Variants in FBXO2 observed in about 807,000 individuals in gnomAD.
FBXO2 encodes F-box only protein 2.
Under a neutral mutation model 38.6 loss-of-function variants are expected in FBXO2, and 32 were observed. The ratio of observed to expected loss-of-function variants is 0.83; its 90% CI spans 0.62 to 1.11. The LOEUF is 1.11. FBXO2 is among the 50% of genes most tolerant of loss of function. FBXO2 has a pLI of 0.00. For missense variants in FBXO2, 450 were observed against 418.3 expected (o/e 1.08, Z -0.66); for synonymous variants, 189 against 182.9 (o/e 1.03, Z -0.27).
In FBXO2 at chr1:11,648,757, G is replaced by A. The variant is rs562234561; in HGVS notation, c.828C>T (p.Ser276=). The A allele has an allele frequency of 1.2e-5, 20 of 1,613,514 alleles. No individual in the cohort carries two copies. In the East Asian group the frequency reaches 3.8e-4, roughly 31 times the overall value. The change falls in exon 6 of 6, where the codon TCC becomes TCT. Residue 276 remains serine (S), a synonymous_variant. Coordinates refer to ENST00000354287, the MANE Select transcript of FBXO2 (RefSeq NM_012168.6). This position sits in a 1 kb window ranked among gnomAD's most constrained non-coding sequence, Gnocchi z 4.2. ...CCCCGAACCAGCCCTTCCAGTAGAC[G>A]GAGTCCTGCCCCCCGTGCTCGAAGC... ...FVRFEHGGQD[S]VYWKGWFGAR... is the part of the protein sequence containing the mutation.
Position 11,650,496 on chromosome 1 carries a change from G to A in FBXO2, c.361C>T (p.Arg121Cys), listed in dbSNP as rs11545590. 2.2e-5 allele frequency: 36 copies of A among 1,608,372 alleles called. No homozygotes were observed. Among genetic ancestry groups the A allele is most frequent in the African/African-American group, 4.0e-5 (3 of 74,904 alleles). Residue 121 changes from arginine to cysteine, a missense_variant, in exon 2 of 6, where the codon CGC (arginine) becomes TGC (cysteine). By Grantham distance (180) the Arg-to-Cys change is radical. Coordinates refer to ENST00000354287, the MANE Select transcript of FBXO2 (RefSeq NM_012168.6). ...QQFYFLSKRR[R>C]NLLRNPCGEE... ...CCACACGGGTTACGCAGAAGGTTGC[G>A]GCGCCGCTTGCTCAGGAAGTAGAAC...
Position 11,650,697 on chromosome 1 carries a change from G to A in FBXO2, c.160C>T (p.Leu54=). The part of the protein sequence containing the change: ...AAYLDELPEP[L]LLRVLAALPA... Reference sequence around the variant, plus strand: ...AGTGCGGCCAGCACGCGCAGCAGCAGCGGCTCGGGCAGCTCGTCCAGGTAC... The same window carrying A: ...AGTGCGGCCAGCACGCGCAGCAGCAACGGCTCGGGCAGCTCGTCCAGGTAC... The change falls in exon 2 of 6, where the codon CTG becomes TTG. Residue 54 remains leucine (L), a synonymous_variant. Transcript: ENST00000354287. 6.5e-7 allele frequency: 1 copy of A among 1,531,242 alleles called. No homozygotes were observed. Among genetic ancestry groups the A allele is most frequent in the Non-Finnish European group, 8.7e-7 (1 of 1,144,892 alleles). The allele number at this position is 1,531,242 out of a possible 1,614,324, so 94.9% of individuals were successfully genotyped here. A position where few individuals can be genotyped will look rare whatever the true frequency, so the allele number is the denominator to read the frequency against.
At chr1:11,650,969 C>T in intron 1 of FBXO2, 135 bp from the exon 2 acceptor site, 1 of 1,295,980 alleles carries the variant, frequency 7.7e-7, no homozygotes, top group South Asian at 1.6e-5. Context: ...TTCTGTGACT[C>T]CATACTGGTG....
chr1:11,652,388 C>T (rs138413842), intron 1 of FBXO2, among the ~76,000 whole-genome samples: 103 of 152,252 alleles, frequency 6.8e-4, no homozygotes, highest in African/African-American at 2.4e-3. Context: ...TTTTCCCATC[C>T]GTGGCCCTCA....
intron 1 of FBXO2, 81 bp from the exon 2 acceptor site, chr1:11,650,915 C>T: frequency 1.4e-6 from 2 of 1,481,228 alleles, no homozygotes; most frequent in East Asian, 5.3e-5. Context: ...GTGCCCGTAA[C>T]CTCCCCCACC....
Position 11,648,920 on chromosome 1 carries a change from C to G in FBXO2, c.757-92G>C, listed in dbSNP as rs1209217779. The G allele has an allele frequency of 6.4e-7, 1 of 1,557,666 alleles. No homozygotes were observed. On this transcript the variant is annotated intron_variant, in intron 5 of 5. Transcript: ENST00000354287. This position sits in a 1 kb window ranked among gnomAD's most constrained non-coding sequence, Gnocchi z 4.2. ...TACACCGACCGACCTGCAGCTCCCC[C>G]ACTCGGTTTCTCCGCGGTATTCAGA...
In FBXO2 at chr1:11,649,209, C is replaced by T. The variant is rs1639472424; in HGVS notation, c.634G>A (p.Asp212Asn). The T allele has an allele frequency of 9.6e-6, 13 of 1,352,604 alleles. No homozygotes were observed. The highest frequency in any genetic ancestry group is 2.1e-4 in the Middle Eastern group (1 of 4,704). 83.8% of individuals were successfully genotyped at this position (1,352,604 alleles called of 1,614,324 possible). A position where few individuals can be genotyped will look rare whatever the true frequency, so the allele number is the denominator to read the frequency against. Residue 212 changes from aspartate to asparagine, a missense_variant, in exon 5 of 6, where the codon GAC (aspartate) becomes AAC (asparagine). Coordinates refer to ENST00000354287, the MANE Select transcript of FBXO2 (RefSeq NM_012168.6). ...GTGAGCTCGTAGAGGCAACCAGCGT[C>T]GCTGCGGCCCGAGTACCTGCTCAGA... ...VVKDWYSGRS[D>N]AGCLYELTVK... is the part of the protein sequence containing the mutation.
chr1:11,654,120 C>A (rs1334028115), intron 1 of FBXO2, 199 bp downstream of exon 1: 2 of 507,172 alleles, frequency 3.9e-6, no homozygotes, highest in Non-Finnish European at 6.7e-6. Flanking sequence ...CCTTGCCAGT[C>A]GCCTCTCAAG....
Position 11,650,476 on chromosome 1 carries a change from C to A in FBXO2, c.381G>T (p.Pro127=). 1 of 1,609,354 alleles carries A rather than the reference C, an allele frequency of 6.2e-7. No individual in the cohort carries two copies. ...SKRRRNLLRN[P]CGEEDLEGWC... ...GCGAGGGCCTCTCACCTTCCCCACA[C>A]GGGTTACGCAGAAGGTTGCGGCGCC... Residue 127 remains proline, a synonymous_variant, in exon 2 of 6, where the codon CCG becomes CCT. Coordinates refer to ENST00000354287, the MANE Select transcript of FBXO2 (RefSeq NM_012168.6).
intron 3 of FBXO2, 32 bp downstream of exon 3, chr1:11,649,913 C>T: frequency 6.2e-7 from 1 of 1,613,958 alleles, no homozygotes; most frequent in Non-Finnish European, 8.5e-7. Context: ...AACGCTCCCC[C>T]CTTCCCACCT....
rs1483406787 is a variant in FBXO2, at chr1:11,648,537, ACTT to A, written c.*154_*156del. Reference sequence around the variant, plus strand: ...ACCTAAGCAAACCTATGCCAACAAAACTTCTCTCTCCCTGCTCAGGGGCTGGGA... The same window carrying A: ...ACCTAAGCAAACCTATGCCAACAAAACTCTCTCCCTGCTCAGGGGCTGGGA... On this transcript the variant is annotated 3_prime_UTR_variant, in exon 6 of 6. Coordinates refer to ENST00000354287, the MANE Select transcript of FBXO2 (RefSeq NM_012168.6). This position sits in a 1 kb window ranked among gnomAD's most constrained non-coding sequence, Gnocchi z 4.2. The A allele has an allele frequency of 2.8e-6, 3 of 1,079,968 alleles. No homozygotes were observed. The highest frequency in any genetic ancestry group is 3.9e-6 in the Non-Finnish European group (3 of 765,250). 66.9% of individuals were successfully genotyped at this position (1,079,968 alleles called of 1,614,324 possible).
intron 1 of FBXO2, chr1:11,654,087 A>G (rs1403830994): frequency 4.5e-6 from 2 of 447,476 alleles, no homozygotes; most frequent in African/African-American, 4.1e-5. Context: ...TTCCTGGCTA[A>G]ATGGGACCCA....
chr1:11,650,585 T>C lies in FBXO2; in HGVS notation c.272A>G (p.Lys91Arg). ...GGGCACCAGCCCCTCCTGCTGGCAC[T>C]TGAGCAGCCACAGCGGGGCGCCGTC... The part of the protein sequence containing the change: ...LVDGAPLWLL[K>R]CQQEGLVPEG... Residue 91 changes from lysine to arginine, a missense_variant, in exon 2 of 6, where the codon AAG becomes AGG. Lys to Arg is a conservative substitution (Grantham distance 26, BLOSUM62 2). Coordinates refer to ENST00000354287, the MANE Select transcript of FBXO2 (RefSeq NM_012168.6). 6.3e-7 allele frequency: 1 copy of C among 1,594,830 alleles called. No homozygotes were observed. The highest frequency in any genetic ancestry group is 1.3e-5 in the African/African-American group (1 of 74,778).
rs776957631 is a variant in FBXO2 at position 11,650,618 on chromosome 1, T to C, written c.239A>G (p.Glu80Gly). 3.8e-6 allele frequency: 6 copies of C among 1,587,382 alleles called. No homozygotes were observed. Among genetic ancestry groups the C allele is most frequent in the South Asian group, 1.1e-5 (1 of 88,290 alleles). ...CCACAGCGGGGCGCCGTCCACCAGC[T>C]CCTTCCAGCGCAGGCACACCAGGCG... is the stretch of plus-strand genomic sequence containing the variant. ...ACRLVCLRWK[E>G]LVDGAPLWLL... The change falls in exon 2 of 6, where the codon GAG becomes GGG. Residue 80 changes from glutamate (E) to glycine (G), a missense_variant. Glu to Gly is a moderately conservative substitution (Grantham distance 98). Transcript: ENST00000354287.
chr1:11,648,735 C>G lies in FBXO2; in HGVS notation c.850G>C (p.Gly284Arg), dbSNP rs1277801750. The stretch of plus-strand genomic sequence containing the variant: ...ACGCTGCTGTTGGTCACCCGGGCCC[C>G]GAACCAGCCCTTCCAGTAGACGGAG... ...QDSVYWKGWF[G>R]ARVTNSSVWV... The change falls in exon 6 of 6, where the codon GGG becomes CGG. Residue 284 changes from glycine (G) to arginine (R), a missense_variant. Transcript: ENST00000354287. The surrounding 1 kb of genome is among the most constrained non-coding windows in gnomAD (Gnocchi z 4.2). 2 of 1,613,488 alleles carry G rather than the reference C, an allele frequency of 1.2e-6. No homozygotes were observed. Among genetic ancestry groups the G allele is most frequent in the South Asian group, 2.2e-5 (2 of 91,080 alleles).
Position 11,650,724 on chromosome 1 carries a change from C to G in FBXO2, c.133G>C (p.Ala45Pro), listed in dbSNP as rs112380988. The G allele has an allele frequency of 6.6e-7, 1 of 1,509,514 alleles. No homozygotes were observed. 93.5% of individuals were successfully genotyped at this position (1,509,514 alleles called of 1,614,324 possible). A position where few individuals can be genotyped will look rare whatever the true frequency, so the allele number is the denominator to read the frequency against. ...GGCTCGGGCAGCTCGTCCAGGTACGCGGCGGCGGCCGCCGCCTCCTCCTCC... is the reference window on the plus strand; with the variant it reads ...GGCTCGGGCAGCTCGTCCAGGTACGGGGCGGCGGCCGCCGCCTCCTCCTCC... ...QQEEEAAAAA[A>P]YLDELPEPLL... Residue 45 changes from alanine (A) to proline (P), a missense_variant, in exon 2 of 6, where the codon GCG becomes CCG. Ala to Pro is a conservative substitution (Grantham distance 27). Coordinates refer to ENST00000354287, the MANE Select transcript of FBXO2 (RefSeq NM_012168.6).
Position 11,650,326 on chromosome 1 carries a change from A to G in FBXO2, c.391+140T>C, listed in dbSNP as rs1639491648. 2.5e-5 allele frequency: 35 copies of G among 1,425,400 alleles called. No homozygotes were observed. In the South Asian group the frequency reaches 5.0e-4, roughly 21 times the overall value. The allele number at this position is 1,425,400 out of a possible 1,614,324, so 88.3% of individuals were successfully genotyped here. ...AGGGCACAGGTGGCCAGAGAGCTAC[A>G]GTAATAGACAGCCTTGGGGCTACCC... On this transcript the variant is annotated intron_variant, in intron 2 of 5. Coordinates refer to ENST00000354287, the MANE Select transcript of FBXO2 (RefSeq NM_012168.6).
chr1:11,649,881 G>A lies in FBXO2; in HGVS notation c.522-7C>T, dbSNP rs373629315. ...CTGTGCTTTGCGACACCACCTGGGA[G>A]AACTGGAGTTAGGACAGAGCGAACG... On this transcript the variant is annotated splice_region_variant and splice_polypyrimidine_tract_variant and intron_variant, in intron 3 of 5. Transcript: ENST00000354287. 2.5e-6 allele frequency: 4 copies of A among 1,613,922 alleles called. No individual in the cohort carries two copies. The highest frequency in any genetic ancestry group is 1.3e-5 in the African/African-American group (1 of 74,946).
rs933384298 is a variant in FBXO2 at position 11,648,979 on chromosome 1, A to G, written c.756+108T>C. ...CACCACCCGGTGACTATCTCAGCCCAGCCCAGCCCAGCCCACCCCAGCCCA... is the reference window on the plus strand; with the variant it reads ...CACCACCCGGTGACTATCTCAGCCCGGCCCAGCCCAGCCCACCCCAGCCCA... On this transcript the variant is annotated intron_variant, in intron 5 of 5. Transcript: ENST00000354287. The surrounding 1 kb of genome is among the most constrained non-coding windows in gnomAD (Gnocchi z 4.2). 1.8e-5 allele frequency: 24 copies of G among 1,338,150 alleles called. No homozygotes were observed. In the Admixed American group the frequency reaches 5.1e-4, roughly 29 times the overall value. 82.9% of individuals were successfully genotyped at this position (1,338,150 alleles called of 1,614,324 possible). A position where few individuals can be genotyped will look rare whatever the true frequency, so the allele number is the denominator to read the frequency against.
Sources: gnomAD v4.1 joint callset for allele counts (sites outside exome capture counted in the v4.1 genomes callset) on GRCh38, gnomAD v4.1.1 for gene constraint, Gnocchi (gnomAD v3.1) non-coding constraint, MANE v1.5 for transcripts, NCBI Gene and HGNC (gene_info 2026-07-23, HGNC 2026-07-21) for gene names.